ITFG1: variants seen among roughly 807,000 people sequenced by gnomAD.
ITFG1 encodes T-cell immunomodulatory protein.
A neutral mutation model predicts 81.8 loss-of-function variants in ITFG1; 34 were observed. The ratio of observed to expected loss-of-function variants is 0.42; its 90% CI spans 0.32 to 0.55. ITFG1 has a LOEUF of 0.55. Among genes scored for constraint, ITFG1 ranks in the 20% least tolerant of loss-of-function variants. ITFG1 has a pLI of 0.17. For synonymous variants in ITFG1, 285 were observed against 270.6 expected (o/e 1.05, Z -0.52); for missense variants, 672 against 755.4 (o/e 0.89, Z 1.29).
intron 14 of ITFG1, among the ~76,000 whole-genome samples, chr16:47,206,377 T>C (rs1474167086): frequency 6.6e-6 from 1 of 152,206 alleles, no homozygotes; most frequent in Non-Finnish European, 1.5e-5. Context: ...TATTGAGATA[T>C]AATTCACATG....
At chr16:47,452,886 G>T in intron 3 of ITFG1, 96 bp from the exon 4 acceptor site, 1 of 606,140 alleles carries the variant, frequency 1.6e-6, no homozygotes, top group South Asian at 2.4e-5. Context: ...CTCTTTTCTA[G>T]ATTTATCTCT....
intron 8 of ITFG1, among the ~76,000 whole-genome samples, chr16:47,343,088 T>C (rs139398741): frequency 3.8e-4 from 58 of 152,268 alleles, no homozygotes; most frequent in African/African-American, 1.3e-3. Flanking sequence ...TTCTGAACTT[T>C]AAAACTTACT....
chr16:47,182,810 G>A (rs1965146875), intron 14 of ITFG1, among the ~76,000 whole-genome samples: 3 of 152,246 alleles, frequency 2.0e-5, no homozygotes, highest in Admixed American at 1.3e-4. Context: ...AGCTCCCAGC[G>A]TGAGCAACGC....
intron 10 of ITFG1, among the ~76,000 whole-genome samples, chr16:47,302,372 T>C (rs1428261260): frequency 1.3e-5 from 2 of 151,698 alleles, no homozygotes; most frequent in East Asian, 1.9e-4. Context: ...AGGTATGACA[T>C]TTTTGGTATT....
At chr16:47,372,273 C>A (rs1004746837) in intron 7 of ITFG1, among the ~76,000 whole-genome samples, 2 of 152,060 alleles carry the variant, frequency 1.3e-5, no homozygotes, top group African/African-American at 4.8e-5. Flanking sequence ...GAGATGAGGT[C>A]TTGCTCTGTC....
chr16:47,303,923 C>G (rs1286236268), intron 10 of ITFG1, among the ~76,000 whole-genome samples: 1 of 152,168 alleles, frequency 6.6e-6, no homozygotes, highest in African/African-American at 2.4e-5. Flanking sequence ...AGCCACCACA[C>G]CTGGCCTGTT....
chr16:47,320,713 G>A (rs1390949071), intron 8 of ITFG1, among the ~76,000 whole-genome samples: 1 of 152,134 alleles, frequency 6.6e-6, no homozygotes, highest in African/African-American at 2.4e-5. Flanking sequence ...AAACATAAAG[G>A]AGTCCATTAT....
chr16:47,342,748 T>C (rs1041388175), intron 8 of ITFG1, among the ~76,000 whole-genome samples: 5 of 152,130 alleles, frequency 3.3e-5, no homozygotes, highest in African/African-American at 4.8e-5. Flanking sequence ...GCAAGCAATT[T>C]CATTTACAAT....
At chr16:47,176,699 C>T (rs1344263151) in intron 14 of ITFG1, among the ~76,000 whole-genome samples, 1 of 152,086 alleles carries the variant, frequency 6.6e-6, no homozygotes, top group East Asian at 1.9e-4. Context: ...GTTCTTTGCC[C>T]ATTAGGTGAC....
At chr16:47,348,675 G>T (rs995224741) in intron 8 of ITFG1, among the ~76,000 whole-genome samples, 2 of 152,136 alleles carry the variant, frequency 1.3e-5, no homozygotes, top group African/African-American at 4.8e-5. Context: ...ACCTAGCAAG[G>T]CAGGCCAACA....
intron 6 of ITFG1, among the ~76,000 whole-genome samples, chr16:47,389,586 T>C (rs1391267279): frequency 6.6e-6 from 1 of 152,094 alleles, no homozygotes; most frequent in Non-Finnish European, 1.5e-5. Flanking sequence ...GACATAAAAT[T>C]ATATAAAGTA....
intron 6 of ITFG1, among the ~76,000 whole-genome samples, chr16:47,414,950 T>C (rs757806849): frequency 9.2e-5 from 14 of 152,246 alleles, no homozygotes; most frequent in Admixed American, 8.5e-4. Context: ...TTTTAGGCTC[T>C]GACCTTGATC....
chr16:47,369,831 CTCTTT>C (rs1968226603), intron 7 of ITFG1, among the ~76,000 whole-genome samples: 1 of 126,424 alleles, frequency 7.9e-6, no homozygotes, highest in Non-Finnish European at 1.6e-5. Flanking sequence ...ATTCAATATC[CTCTTT>C]TTTTTTTTTT....
intron 8 of ITFG1, among the ~76,000 whole-genome samples, chr16:47,334,691 C>T (rs1967679847): frequency 6.6e-6 from 1 of 152,164 alleles, no homozygotes; most frequent in African/African-American, 2.4e-5. Context: ...GAAATTCCTG[C>T]AGCTCCTTCC....
intron 8 of ITFG1, among the ~76,000 whole-genome samples, chr16:47,317,133 C>T (rs535026146): frequency 6.6e-6 from 1 of 152,306 alleles, no homozygotes; most frequent in South Asian, 2.1e-4. Flanking sequence ...AACTAACAAA[C>T]ACATGCTAAC....
intron 7 of ITFG1, among the ~76,000 whole-genome samples, chr16:47,367,111 G>A (rs1968187222): frequency 6.6e-6 from 1 of 152,164 alleles, no homozygotes; most frequent in Admixed American, 6.5e-5. Context: ...AGAACTCTGG[G>A]AAACATATTT....
At chr16:47,201,627 C>A (rs749216877) in intron 14 of ITFG1, among the ~76,000 whole-genome samples, 1 of 152,114 alleles carries the variant, frequency 6.6e-6, no homozygotes, top group Non-Finnish European at 1.5e-5. Flanking sequence ...AAGGAGCTAG[C>A]CAGTGTGACG....
chr16:47,406,449 T>C (rs1202151542), intron 6 of ITFG1, among the ~76,000 whole-genome samples: 1 of 152,220 alleles, frequency 6.6e-6, no homozygotes, highest in Non-Finnish European at 1.5e-5. Context: ...TTTTGTTAGT[T>C]GTTAAATCTT....
At chr16:47,246,076 T>C (rs747639139) in intron 12 of ITFG1, among the ~76,000 whole-genome samples, 7 of 152,216 alleles carry the variant, frequency 4.6e-5, no homozygotes, top group Non-Finnish European at 1.0e-4. Context: ...GTCTAGAGTA[T>C]TTACTAATAT....
Sources: gnomAD v4.1 joint callset for allele counts (sites outside exome capture counted in the v4.1 genomes callset) on GRCh38, gnomAD v4.1.1 for gene constraint, MANE v1.5 for transcripts, NCBI Gene and HGNC (gene_info 2026-07-23, HGNC 2026-07-21) for gene names.